The following HHAT variants were observed in gnomAD, a reference collection of about 807,000 sequenced individuals.
HHAT encodes the protein protein-cysteine N-palmitoyltransferase HHAT.
In HHAT, 47 loss-of-function variants were observed where a neutral mutation model predicts 70.8. That is an observed-to-expected ratio of 0.66 (90% CI 0.53 to 0.85). The LOEUF is 0.85. HHAT is among the 40% of genes least tolerant of loss of function. The pLI, the probability that HHAT is intolerant of heterozygous loss-of-function variation, is 0.00. For missense variants in HHAT, 609 were observed against 604.8 expected (o/e 1.01, Z -0.07); for synonymous variants, 228 against 247.6 (o/e 0.92, Z 0.74).
intron 6 of HHAT, among the ~76,000 whole-genome samples, chr1:210,408,135 T>C (rs1256189523): frequency 6.6e-6 from 1 of 152,146 alleles, no homozygotes; most frequent in Non-Finnish European, 1.5e-5. Flanking sequence ...TAAATGATTG[T>C]GTATAGGTAA....
chr1:210,533,673 G>GA (rs1036005805), intron 9 of HHAT, among the ~76,000 whole-genome samples: 1 of 152,076 alleles, frequency 6.6e-6, no homozygotes, highest in African/African-American at 2.4e-5. Context: ...TTTTCAGAGG[G>GA]AAAAAATCAA....
At chr1:210,452,597 C>A (rs1403025525) in intron 7 of HHAT, among the ~76,000 whole-genome samples, 2 of 152,184 alleles carry the variant, frequency 1.3e-5, no homozygotes, top group Non-Finnish European at 2.9e-5. Flanking sequence ...TTCTTTTGAA[C>A]TTCAGAATCT....
intron 7 of HHAT, among the ~76,000 whole-genome samples, chr1:210,433,915 A>G (rs919471346): frequency 1.2e-4 from 18 of 152,036 alleles, no homozygotes; most frequent in African/African-American, 3.9e-4. Context: ...CCAGCGTTGT[A>G]CCAGTCTACA....
intron 11 of HHAT, among the ~76,000 whole-genome samples, chr1:210,654,037 G>A (rs1384038766): frequency 1.3e-5 from 1 of 75,260 alleles, no homozygotes; most frequent in Non-Finnish European, 3.0e-5. Flanking sequence ...TAGTGTGACG[G>A]GAATAGTGTG....
At position 210,536,038 on chromosome 1, in the gene HHAT, A is replaced by G. The variant is rs181895123; in HGVS notation, c.1043+22850A>G. Among the ~76,000 whole-genome samples the G allele has an allele frequency of 4.5e-3, 683 of 152,322 alleles. 4 individuals carry two copies. Among genetic ancestry groups the G allele is most frequent in the African/African-American group, 0.016 (659 of 41,572 alleles). ...ATATCGAGTCCAGCTCCGAGCTGTC[A>G]CTGGCCATTAGAGTGCTAATGACCA... On this transcript the variant is annotated intron_variant, in intron 9 of 11. Coordinates refer to ENST00000261458, the MANE Select transcript of HHAT (RefSeq NM_018194.6).
intron 10 of HHAT, among the ~76,000 whole-genome samples, chr1:210,602,651 A>C (rs1664543144): frequency 6.6e-6 from 1 of 152,182 alleles, no homozygotes; most frequent in Non-Finnish European, 1.5e-5. Flanking sequence ...GAGAGCGTTA[A>C]ATTAACATAT....
At chr1:210,365,176 C>T (rs2088787591) in intron 3 of HHAT, among the ~76,000 whole-genome samples, 1 of 152,100 alleles carries the variant, frequency 6.6e-6, no homozygotes, top group Admixed American at 6.6e-5. Context: ...TATTTTGGTC[C>T]AAATTCTAAT....
intron 1 of HHAT, among the ~76,000 whole-genome samples, chr1:210,330,613 G>A (rs2084903182): frequency 6.6e-6 from 1 of 152,138 alleles, no homozygotes; most frequent in African/African-American, 2.4e-5. Context: ...GTTGGTGGGA[G>A]CTCTGTAGGT....
chr1:210,572,083 A>G (rs1656427623), intron 9 of HHAT, among the ~76,000 whole-genome samples: 1 of 152,218 alleles, frequency 6.6e-6, no homozygotes, highest in Non-Finnish European at 1.5e-5. Context: ...TTACACTGGC[A>G]CGGCTGTGTT....
intron 7 of HHAT, among the ~76,000 whole-genome samples, chr1:210,451,962 T>G (rs2093765033): frequency 6.6e-6 from 1 of 152,218 alleles, no homozygotes; most frequent in Non-Finnish European, 1.5e-5. Flanking sequence ...ATTTCAGATC[T>G]CTGGCTCAGA....
intron 9 of HHAT, among the ~76,000 whole-genome samples, chr1:210,583,079 A>G (rs1028691630): frequency 5.3e-5 from 8 of 152,206 alleles, no homozygotes; most frequent in East Asian, 3.9e-4. Context: ...TACCTCTCCT[A>G]TATAAAATAG....
At chr1:210,437,660 A>G (rs2093410460) in intron 7 of HHAT, among the ~76,000 whole-genome samples, 1 of 151,856 alleles carries the variant, frequency 6.6e-6, no homozygotes, top group Non-Finnish European at 1.5e-5. Context: ...TGCACAGGCC[A>G]TGCTACCTTG....
At chr1:210,433,511 A>T (rs1032337348) in intron 7 of HHAT, among the ~76,000 whole-genome samples, 8 of 151,916 alleles carry the variant, frequency 5.3e-5, no homozygotes, top group Non-Finnish European at 8.8e-5. Context: ...GGTTAATCAA[A>T]GGAGAGAAAT....
At chr1:210,509,970 C>T (rs141451649) in intron 8 of HHAT, among the ~76,000 whole-genome samples, 99 of 152,226 alleles carry the variant, frequency 6.5e-4, no homozygotes, top group African/African-American at 2.3e-3. Context: ...ACAGAATTGT[C>T]ATTGGGAAGT....
intron 7 of HHAT, among the ~76,000 whole-genome samples, chr1:210,432,489 G>A (rs2093274301): frequency 6.6e-6 from 1 of 151,920 alleles, no homozygotes; most frequent in Admixed American, 6.5e-5. Context: ...AATTGACTTT[G>A]GTCATGGTTG....
chr1:210,637,858 CAAA>C (rs33961605), intron 11 of HHAT, among the ~76,000 whole-genome samples: 1 of 116,394 alleles, frequency 8.6e-6, no homozygotes. Context: ...GACTCCGTCT[CAAA>C]AAAAAAAAAA....
intron 11 of HHAT, among the ~76,000 whole-genome samples, chr1:210,662,629 T>C (rs1157338414): frequency 1.3e-5 from 2 of 152,126 alleles, no homozygotes; most frequent in East Asian, 3.9e-4. Context: ...GGAAAGCAGG[T>C]CCCCTACCTA....
At chr1:210,448,429 G>T (rs997989363) in intron 7 of HHAT, among the ~76,000 whole-genome samples, 1 of 152,058 alleles carries the variant, frequency 6.6e-6, no homozygotes, top group African/African-American at 2.4e-5. Flanking sequence ...TGCATATGAG[G>T]GTTTATCAGT....
intron 11 of HHAT, among the ~76,000 whole-genome samples, chr1:210,643,410 C>T (rs1239952639): frequency 6.6e-6 from 1 of 152,156 alleles, no homozygotes; most frequent in Non-Finnish European, 1.5e-5. Context: ...ATTTAGGCAA[C>T]AAATATAAAA....
Sources: gnomAD v4.1 joint callset for allele counts (sites outside exome capture counted in the v4.1 genomes callset) on GRCh38, gnomAD v4.1.1 for gene constraint, MANE v1.5 for transcripts, NCBI Gene and HGNC (gene_info 2026-07-23, HGNC 2026-07-21) for gene names.